The following ADGB variants were observed in gnomAD, a reference collection of about 807,000 sequenced individuals.
ADGB encodes androglobin, also known as calpain-7-like protein.
Under a neutral mutation model 210.5 loss-of-function variants are expected in ADGB, and 172 were observed. That is an observed-to-expected ratio of 0.82 (90% CI 0.72 to 0.93). ADGB has a LOEUF of 0.93. ADGB is among the 40% of genes least tolerant of loss of function. The pLI is 0.00. For missense variants in ADGB, 2,025 were observed against 1,964.8 expected (o/e 1.03, Z -0.58); for synonymous variants, 658 against 662.7 (o/e 0.99, Z 0.11).
Position 146,611,788 on chromosome 6 carries a change from T to C in ADGB, c.74+12674T>C, listed in dbSNP as rs572165576. 1.3e-4 allele frequency among the ~76,000 whole-genome samples: 20 copies of C among 152,270 alleles called. No homozygotes were observed. The East Asian group carries it at 1.3e-3, about 10-fold the overall frequency. ...TGCATCTAGTCAGCCATCTTGGGAA[T>C]TGTTTTTAAAAGGGATTAGTTTGAG... On this transcript the variant is annotated intron_variant, in intron 1 of 35. Coordinates refer to ENST00000397944, the MANE Select transcript of ADGB (RefSeq NM_024694.4).
intron 9 of ADGB, among the ~76,000 whole-genome samples, chr6:146,681,417 C>A (rs1438697266): frequency 6.6e-6 from 1 of 152,048 alleles, no homozygotes. Flanking sequence ...GAACCATGAG[C>A]CAATTAAACC....
intron 12 of ADGB, among the ~76,000 whole-genome samples, chr6:146,697,689 G>A (rs1776426320): frequency 6.6e-6 from 1 of 152,040 alleles, no homozygotes; most frequent in South Asian, 2.1e-4. Context: ...ACTTGCCAGT[G>A]GTTCTCAGAA....
intron 1 of ADGB, chr6:146,600,432 G>A: frequency 5.6e-6 from 1 of 179,780 alleles, no homozygotes. Context: ...TCTCAGGATT[G>A]TTCCCACCGC....
At chr6:146,790,309 T>C (rs1018751307) in intron 33 of ADGB, among the ~76,000 whole-genome samples, 7 of 152,192 alleles carry the variant, frequency 4.6e-5, no homozygotes, top group Admixed American at 2.0e-4. Context: ...AAACTAACTA[T>C]ACCCTTTGAC....
Position 146,671,954 on chromosome 6 carries a change from T to C in ADGB, c.840-266T>C, listed in dbSNP as rs1583583507. Among the ~76,000 whole-genome samples, 7 of 152,284 alleles carry C rather than the reference T, an allele frequency of 4.6e-5. No homozygotes were observed. In the South Asian group the frequency reaches 1.5e-3, roughly 32 times the overall value. On this transcript the variant is annotated intron_variant, in intron 7 of 35. Transcript: ENST00000397944. ...TCCCTGTCCTGGCTGTTAACGTGATTAGCTTCCCTACCAGGGCGAGTGATC... is the reference window on the plus strand; with the variant it reads ...TCCCTGTCCTGGCTGTTAACGTGATCAGCTTCCCTACCAGGGCGAGTGATC...
chr6:146,799,058 C>CTAAAAAAAA (rs1778084949), intron 33 of ADGB, among the ~76,000 whole-genome samples: 1 of 63,534 alleles, frequency 1.6e-5, no homozygotes, highest in African/African-American at 6.6e-5. Context: ...TATGGAAATG[C>CTAAAAAAAA]AAAAAAAAAA....
intron 2 of ADGB, among the ~76,000 whole-genome samples, chr6:146,637,272 T>C (rs1435820679): frequency 6.6e-6 from 1 of 152,020 alleles, no homozygotes; most frequent in East Asian, 1.9e-4. Flanking sequence ...CTGGGACCTG[T>C]GTCAGTTTCT....
rs1298680416 is a variant in ADGB at position 146,644,772 on chromosome 6, G to A, written c.238-1G>A. ...AAAAAACTCAATTTATTTTTATATA[G>A]CATTTTTTTGAGGACCCTGAAGGAA... On this transcript the variant is annotated splice_acceptor_variant, in intron 2 of 35. Transcript: ENST00000397944. LOFTEE classifies it high-confidence loss of function. 9.1e-6 allele frequency: 13 copies of A among 1,430,352 alleles called. No individual in the cohort carries two copies. Among genetic ancestry groups the A allele is most frequent in the African/African-American group, 1.5e-5 (1 of 68,492 alleles). 88.6% of individuals were successfully genotyped at this position (1,430,352 alleles called of 1,614,324 possible).
intron 29 of ADGB, among the ~76,000 whole-genome samples, chr6:146,775,019 C>T (rs1057202106): frequency 1.2e-4 from 18 of 152,242 alleles, no homozygotes; most frequent in African/African-American, 2.4e-5. Flanking sequence ...GCAATCCACT[C>T]ATCTCGGCCT....
At chr6:146,656,653 A>T in intron 4 of ADGB, 118 bp from the exon 5 acceptor site, 1 of 699,878 alleles carries the variant, frequency 1.4e-6, no homozygotes, top group South Asian at 2.4e-5. Flanking sequence ...TATGGAATAC[A>T]TTACATGTAT....
chr6:146,617,772 G>A (rs1780826123), intron 1 of ADGB, among the ~76,000 whole-genome samples: 2 of 152,042 alleles, frequency 1.3e-5, no homozygotes, highest in African/African-American at 4.8e-5. Context: ...AACCATCCAA[G>A]CATCCCTGGG....
rs1306636620 is a variant in ADGB, at chr6:146,772,572, A to G, written c.3862+3441A>G. 2.0e-5 allele frequency among the ~76,000 whole-genome samples: 3 copies of G among 147,492 alleles called. No individual in the cohort carries two copies. The East Asian group carries it at 5.9e-4, about 29-fold the overall frequency. On this transcript the variant is annotated intron_variant, in intron 29 of 35. Coordinates refer to ENST00000397944, the MANE Select transcript of ADGB (RefSeq NM_024694.4). ...ATTTGTGTCTCTGATAGAGGGCTGTATTATGGTTTTTTCCTATATTAATAT... is the reference window on the plus strand; with the variant it reads ...ATTTGTGTCTCTGATAGAGGGCTGTGTTATGGTTTTTTCCTATATTAATAT...
At chr6:146,628,657 C>T (rs149776802) in intron 1 of ADGB, among the ~76,000 whole-genome samples, 31 of 151,912 alleles carry the variant, frequency 2.0e-4, no homozygotes, top group African/African-American at 5.8e-4. Flanking sequence ...TGAACTGTCT[C>T]GTATGCTGTT....
intron 1 of ADGB, among the ~76,000 whole-genome samples, chr6:146,603,312 T>C (rs1780586974): frequency 1.3e-5 from 2 of 152,200 alleles, no homozygotes; most frequent in Admixed American, 1.3e-4. Flanking sequence ...TGTAGTGATA[T>C]CAAGACAAAA....
chr6:146,810,677 T>C (rs1197302495), intron 35 of ADGB, among the ~76,000 whole-genome samples: 2 of 152,146 alleles, frequency 1.3e-5, no homozygotes, highest in Non-Finnish European at 2.9e-5. Context: ...TAGGGCATTA[T>C]GCTAAGTGAA....
At chr6:146,674,208 A>T (rs1250119211) in intron 8 of ADGB, among the ~76,000 whole-genome samples, 1 of 152,188 alleles carries the variant, frequency 6.6e-6, no homozygotes, top group Non-Finnish European at 1.5e-5. Context: ...GGAGGGGAGT[A>T]AGAAGGAAGT....
intron 9 of ADGB, among the ~76,000 whole-genome samples, chr6:146,684,243 T>A (rs1200090927): frequency 6.6e-6 from 1 of 152,074 alleles, no homozygotes; most frequent in Non-Finnish European, 1.5e-5. Flanking sequence ...CTTATCTTCT[T>A]CCTTGAGCAG....
chr6:146,691,849 G>A (rs1776334457), intron 11 of ADGB, among the ~76,000 whole-genome samples: 1 of 151,662 alleles, frequency 6.6e-6, no homozygotes, highest in South Asian at 2.1e-4. Flanking sequence ...AAACTTCCCA[G>A]TTTTTTGTGT....
At chr6:146,806,556 T>C (rs1356272487) in intron 35 of ADGB, among the ~76,000 whole-genome samples, 15 of 152,164 alleles carry the variant, frequency 9.9e-5, no homozygotes, top group Non-Finnish European at 1.8e-4. Flanking sequence ...ATCCAGCTTT[T>C]CCAACATCTC....
Sources: gnomAD v4.1 joint callset for allele counts (sites outside exome capture counted in the v4.1 genomes callset) on GRCh38, gnomAD v4.1.1 for gene constraint, MANE v1.5 for transcripts, NCBI Gene and HGNC (gene_info 2026-07-23, HGNC 2026-07-21) for gene names.